PIGN: variants seen among roughly 807,000 people sequenced by gnomAD.
The protein encoded by PIGN is phosphatidylinositol glycan anchor biosynthesis class N, also known as GPI ethanolamine phosphate transferase 1.
PIGN carries 117 observed loss-of-function variants against 125.4 expected under a neutral mutation model. The observed-to-expected ratio is 0.93, with a 90% confidence interval of 0.80 to 1.09. PIGN has a LOEUF of 1.09. Ranked by LOEUF, PIGN falls within the 50% of genes least tolerant of loss-of-function variation. PIGN has a pLI of 0.00. For synonymous variants in PIGN, 392 were observed against 377.8 expected, an observed-to-expected ratio of 1.04 and a Z score of -0.44; for missense variants, 1,075 against 1,094.9, an observed-to-expected ratio of 0.98 and a Z score of 0.26.
intron 23 of PIGN, among the ~76,000 whole-genome samples, chr18:62,017,984 G>A (rs531724764): frequency 5.3e-5 from 8 of 152,340 alleles, no homozygotes; most frequent in African/African-American, 1.9e-4. Context: ...GCAACGAACA[G>A]TGTGCACCAC....
At chr18:62,025,024 T>C (rs2030099507) in intron 23 of PIGN, among the ~76,000 whole-genome samples, 1 of 152,170 alleles carries the variant, frequency 6.6e-6, no homozygotes, top group African/African-American at 2.4e-5. Context: ...CATTGATCTG[T>C]GTCTATAATG....
intron 1 of PIGN, among the ~76,000 whole-genome samples, chr18:62,175,305 C>A (rs943203937): frequency 1.3e-5 from 2 of 151,718 alleles, no homozygotes; most frequent in African/African-American, 4.8e-5. Context: ...AAAGTAATTA[C>A]ATATTTTACT....
intron 23 of PIGN, among the ~76,000 whole-genome samples, chr18:62,023,714 G>A (rs1421162723): frequency 6.6e-6 from 1 of 152,180 alleles, no homozygotes; most frequent in Non-Finnish European, 1.5e-5. Flanking sequence ...TATCCATTGT[G>A]ATGAAATGTC....
At position 62,042,381 on chromosome 18, in the gene PIGN, A is replaced by C. The variant is rs564957146; in HGVS notation, c.*3475T>G. ...TTATTATGACATTTATTTGTATTAC[A>C]AGGAACCAATGTTCTAAGGGACAAT... On this transcript the variant is annotated 3_prime_UTR_variant, in exon 31 of 31. Coordinates refer to ENST00000640252, the MANE Select transcript of PIGN (RefSeq NM_176787.5). The C allele has an allele frequency of 6.6e-6, 1 of 152,302 alleles. No homozygotes were observed. The highest frequency in any genetic ancestry group is 6.5e-5 in the Admixed American group (1 of 15,298). 9.4% of individuals were successfully genotyped at this position (152,302 alleles called of 1,614,324 possible).
chr18:62,139,561 G>A (rs1478230935), intron 12 of PIGN, among the ~76,000 whole-genome samples: 1 of 152,172 alleles, frequency 6.6e-6, no homozygotes, highest in Non-Finnish European at 1.5e-5. Flanking sequence ...TTTTTTAAGA[G>A]TACATTTGAT....
At chr18:62,048,381 C>A (rs189773920) in intron 30 of PIGN, among the ~76,000 whole-genome samples, 2 of 152,090 alleles carry the variant, frequency 1.3e-5, no homozygotes, top group Non-Finnish European at 2.9e-5. Context: ...AAGCAATCCA[C>A]ACAAAGACAC....
At chr18:62,040,958 G>T (rs1429921960), downstream of PIGN, among the ~76,000 whole-genome samples, 1 of 152,174 alleles carries the variant, frequency 6.6e-6, no homozygotes, top group African/African-American at 2.4e-5. Flanking sequence ...TACCAGTCAA[G>T]CTAATTAAAT....
At chr18:62,177,926 C>T (rs2037582052) in intron 1 of PIGN, among the ~76,000 whole-genome samples, 1 of 152,164 alleles carries the variant, frequency 6.6e-6, no homozygotes, top group Non-Finnish European at 1.5e-5. Flanking sequence ...TCTGCCTTAG[C>T]CTTCACCTTC....
chr18:62,109,942 A>G lies in PIGN; in HGVS notation c.1466T>C (p.Val489Ala), dbSNP rs972615158. 1 of 1,613,506 alleles carries G rather than the reference A, an allele frequency of 6.2e-7. No homozygotes were observed. The highest frequency in any genetic ancestry group is 1.1e-5 in the South Asian group (1 of 91,072). The change falls in exon 17 of 31, where the codon GTA becomes GCA. Residue 489 changes from valine to alanine, a missense_variant. This residue lies in a region of PIGN where 915 missense variants were observed against 908.7 expected (regional missense o/e 1.01). Coordinates refer to ENST00000640252, the MANE Select transcript of PIGN (RefSeq NM_176787.5). ...AAATGCTACTAAAATGCCAATAGCT[A>G]CAAAACTACAAGGCAGGAGATGGCT... is the stretch of plus-strand genomic sequence containing the variant. ...KPSHLLPCSF[V>A]AIGILVAFFL...
intron 30 of PIGN, among the ~76,000 whole-genome samples, chr18:62,058,138 C>T (rs73448673): frequency 0.012 from 1,789 of 152,302 alleles, 17 homozygotes; most frequent in Middle Eastern, 0.061. Context: ...ACAGATGGGC[C>T]CTGGCCCAGA....
chr18:62,136,247 A>T (rs1017054582), intron 14 of PIGN: 1 of 152,146 alleles, frequency 6.6e-6, no homozygotes, highest in African/African-American at 2.4e-5. Context: ...TAACTTGCAA[A>T]ATCCTAATTT....
intron 23 of PIGN, among the ~76,000 whole-genome samples, chr18:62,017,910 T>C (rs963542462): frequency 2.6e-5 from 4 of 151,772 alleles, no homozygotes; most frequent in Non-Finnish European, 4.4e-5. Flanking sequence ...ATCGGGCATA[T>C]TACCACCCTG....
intron 23 of PIGN, among the ~76,000 whole-genome samples, chr18:62,033,945 G>T (rs1389732414): frequency 6.6e-6 from 1 of 152,182 alleles, no homozygotes; most frequent in East Asian, 1.9e-4. Context: ...TATTACAGAT[G>T]AATCAGTTGA....
intron 1 of PIGN, among the ~76,000 whole-genome samples, chr18:62,177,006 G>A (rs2037548632): frequency 6.6e-6 from 1 of 151,576 alleles, no homozygotes; most frequent in Non-Finnish European, 1.5e-5. Flanking sequence ...ATACTCAAAA[G>A]ATACACTGTT....
At chr18:62,046,098 G>A in intron 30 of PIGN, 119 bp from the exon 31 acceptor site, 1 of 1,043,490 alleles carries the variant, frequency 9.6e-7, no homozygotes, top group African/African-American at 1.6e-5. Context: ...AGCTGGAGTG[G>A]GTGTTCTTTA....
At chr18:62,112,430 A>C (rs919291048) in intron 16 of PIGN, 7 of 152,186 alleles carry the variant, frequency 4.6e-5, no homozygotes, top group Non-Finnish European at 1.0e-4. Flanking sequence ...TGAAAGTGGC[A>C]TAGTGCCCCT....
At chr18:62,089,754 C>A (rs186885402) in intron 24 of PIGN, among the ~76,000 whole-genome samples, 1 of 152,082 alleles carries the variant, frequency 6.6e-6, no homozygotes, top group Non-Finnish European at 1.5e-5. Flanking sequence ...TCAACTGGAG[C>A]CATATAACGA....
At chr18:62,125,132 A>G (rs1380048452) in intron 14 of PIGN, among the ~76,000 whole-genome samples, 1 of 76,776 alleles carries the variant, frequency 1.3e-5, no homozygotes, top group East Asian at 3.5e-4. Flanking sequence ...ATAAATATAC[A>G]CGTTTGTACA....
chr18:62,170,891 T>C (rs1455642600), intron 1 of PIGN, among the ~76,000 whole-genome samples: 3 of 152,208 alleles, frequency 2.0e-5, no homozygotes, highest in African/African-American at 4.8e-5. Flanking sequence ...TGAAGAAAAT[T>C]TGAGTGGTCT....
Sources: allele counts gnomAD v4.1 joint callset (sites outside exome capture counted in the v4.1 genomes callset), GRCh38; gene constraint gnomAD v4.1.1; regional missense constraint gnomAD v4.1.1; transcripts MANE v1.5; gene names NCBI Gene and HGNC (gene_info 2026-07-23, HGNC 2026-07-21).